The following TBC1D22B variants were observed in gnomAD, a reference collection of about 807,000 sequenced individuals.
TBC1D22B encodes TBC1 domain family member 22B, also known as chromosome 6 open reading frame 197.
Under a neutral mutation model 69.1 loss-of-function variants are expected in TBC1D22B, and 32 were observed. The observed-to-expected ratio is 0.46, with a 90% CI of 0.35 to 0.62. The LOEUF (loss-of-function observed/expected upper bound fraction) is 0.62, where lower values mean the gene tolerates loss of function less well. Among genes scored for constraint, TBC1D22B ranks in the 20% least tolerant of loss-of-function variants. The probability of loss-of-function intolerance (pLI) is 0.00; values close to 1 mark genes in which losing one functional copy is unlikely to be tolerated. For missense variants in TBC1D22B, 462 were observed against 630.9 expected, an observed-to-expected ratio of 0.73 and a Z score of 2.87; for synonymous variants, 206 against 229.8, an observed-to-expected ratio of 0.90 and a Z score of 0.94.
At chr6:37,303,690 T>TA (rs1387255058) in intron 8 of TBC1D22B, among the ~76,000 whole-genome samples, 1 of 152,192 alleles carries the variant, frequency 6.6e-6, no homozygotes, top group Non-Finnish European at 1.5e-5. Flanking sequence ...CTTCGCCCCT[T>TA]AAACTCAACA....
chr6:37,263,302 G>A (rs976780404), intron 1 of TBC1D22B, among the ~76,000 whole-genome samples: 2 of 152,200 alleles, frequency 1.3e-5, no homozygotes, highest in African/African-American at 4.8e-5. Context: ...TGTTATATTT[G>A]TAATCAGACA....
intron 12 of TBC1D22B, among the ~76,000 whole-genome samples, chr6:37,327,612 G>A (rs952455077): frequency 1.1e-4 from 16 of 152,142 alleles, no homozygotes; most frequent in African/African-American, 3.9e-4. Context: ...AATTACTCCT[G>A]TGAGAGGGGA....
intron 6 of TBC1D22B, among the ~76,000 whole-genome samples, 155 bp downstream of exon 6, chr6:37,284,619 A>C (rs1766947703): frequency 6.6e-6 from 1 of 152,184 alleles, no homozygotes; most frequent in East Asian, 1.9e-4. Flanking sequence ...CCCTCTTTTC[A>C]TTCAGCAACT....
chr6:37,305,304 A>G (rs748027540), intron 8 of TBC1D22B, among the ~76,000 whole-genome samples: 1 of 152,178 alleles, frequency 6.6e-6, no homozygotes, highest in Non-Finnish European at 1.5e-5. Flanking sequence ...TGAACTTCAT[A>G]TTAAATCATA....
intron 12 of TBC1D22B, among the ~76,000 whole-genome samples, chr6:37,320,688 G>A (rs1768213892): frequency 1.3e-5 from 2 of 152,212 alleles, no homozygotes; most frequent in African/African-American, 4.8e-5. Flanking sequence ...CAGGAAGGGT[G>A]CGTGCTTCTC....
At chr6:37,281,446 A>G (rs960182050) in intron 3 of TBC1D22B, among the ~76,000 whole-genome samples, 2 of 152,256 alleles carry the variant, frequency 1.3e-5, no homozygotes, top group Non-Finnish European at 2.9e-5. Context: ...TATTTCAGTC[A>G]TATCTTGGCA....
chr6:37,316,017 T>C (rs1768067298), intron 10 of TBC1D22B, among the ~76,000 whole-genome samples: 1 of 152,236 alleles, frequency 6.6e-6, no homozygotes, highest in African/African-American at 2.4e-5. Context: ...TCCCATTTTA[T>C]AGGGTAGGAA....
chr6:37,305,756 G>A (rs1320123356), intron 8 of TBC1D22B, among the ~76,000 whole-genome samples: 1 of 152,090 alleles, frequency 6.6e-6, no homozygotes, highest in Non-Finnish European at 1.5e-5. Context: ...TCCTGACCTC[G>A]TGATCCACCC....
chr6:37,273,648 T>G (rs1410445227), intron 2 of TBC1D22B, among the ~76,000 whole-genome samples: 1 of 152,228 alleles, frequency 6.6e-6, no homozygotes, highest in East Asian at 1.9e-4. Flanking sequence ...AGTAATTACT[T>G]AGCTTTACAG....
At chr6:37,308,839 G>A (rs546312586) in intron 8 of TBC1D22B, among the ~76,000 whole-genome samples, 3 of 152,160 alleles carry the variant, frequency 2.0e-5, no homozygotes, top group South Asian at 4.2e-4. Flanking sequence ...GCTGGGCATG[G>A]AGGCTCACAC....
chr6:37,317,600 A>G (rs1362317074), intron 12 of TBC1D22B, among the ~76,000 whole-genome samples: 2 of 152,236 alleles, frequency 1.3e-5, no homozygotes, highest in Admixed American at 1.3e-4. Flanking sequence ...GACATACAGT[A>G]AATAACATCA....
chr6:37,288,301 A>G (rs960504285), intron 7 of TBC1D22B, among the ~76,000 whole-genome samples: 16 of 152,204 alleles, frequency 1.1e-4, no homozygotes, highest in African/African-American at 3.9e-4. Context: ...CCTCCCATAC[A>G]GTTTTCCATG....
intron 2 of TBC1D22B, among the ~76,000 whole-genome samples, chr6:37,272,070 T>G (rs1766504348): frequency 1.3e-5 from 2 of 152,154 alleles, no homozygotes; most frequent in South Asian, 4.1e-4. Flanking sequence ...TTTTGTTAGG[T>G]CTTCTTTTTT....
At chr6:37,327,637 T>C (rs916724491) in intron 12 of TBC1D22B, among the ~76,000 whole-genome samples, 9 of 152,138 alleles carry the variant, frequency 5.9e-5, no homozygotes, top group Admixed American at 2.6e-4. Context: ...TCCAAAGATG[T>C]TCCGATCAGC....
intron 7 of TBC1D22B, among the ~76,000 whole-genome samples, chr6:37,288,196 C>T (rs1371553211): frequency 2.6e-5 from 4 of 152,076 alleles, no homozygotes; most frequent in African/African-American, 9.7e-5. Context: ...TCATGTCTTA[C>T]CCATAGCATA....
chr6:37,263,412 A>G (rs1562037263), intron 1 of TBC1D22B, among the ~76,000 whole-genome samples: 1 of 152,256 alleles, frequency 6.6e-6, no homozygotes, highest in Non-Finnish European at 1.5e-5. Context: ...AAGTTTAAAA[A>G]CATAAAAAAT....
At chr6:37,269,773 C>T (rs1562041057) in intron 2 of TBC1D22B, 123 bp downstream of exon 2, 2 of 851,216 alleles carry the variant, frequency 2.3e-6, no homozygotes, top group South Asian at 2.9e-5. Context: ...TATTTTGGAC[C>T]AGGAGATGAG....
chr6:37,313,297 C>T (rs1009572770), intron 9 of TBC1D22B, among the ~76,000 whole-genome samples: 2 of 152,104 alleles, frequency 1.3e-5, no homozygotes. Context: ...CAAAACCAGC[C>T]TAGGCAACAT....
At chr6:37,301,380 C>T (rs1046215694) in intron 8 of TBC1D22B, among the ~76,000 whole-genome samples, 16 of 152,172 alleles carry the variant, frequency 1.1e-4, no homozygotes, top group African/African-American at 3.9e-4. Flanking sequence ...CACTCGTACT[C>T]TTTAGCCATC....
Sources: allele counts gnomAD v4.1 joint callset (sites outside exome capture counted in the v4.1 genomes callset), GRCh38; gene constraint gnomAD v4.1.1; transcripts MANE v1.5; gene names NCBI Gene and HGNC (gene_info 2026-07-23, HGNC 2026-07-21).